IL34: variants seen among roughly 807,000 people sequenced by gnomAD.
IL34 encodes interleukin-34.
In IL34, 17 loss-of-function variants were observed where a neutral mutation model predicts 25.3. The observed-to-expected ratio is 0.67, with a 90% CI of 0.46 to 1.01. The LOEUF (loss-of-function observed/expected upper bound fraction) is 1.01, where lower values mean the gene tolerates loss of function less well. Ranked by LOEUF, IL34 falls within the 50% of genes least tolerant of loss-of-function variation. IL34 has a pLI of 0.00. For missense variants in IL34, 368 were observed against 312.9 expected, an observed-to-expected ratio of 1.18 and a Z score of -1.33; for synonymous variants, 174 against 140.9, an observed-to-expected ratio of 1.23 and a Z score of -1.66.
upstream of IL34, among the ~76,000 whole-genome samples, chr16:70,645,409 T>C (rs1157866532): frequency 6.6e-6 from 1 of 152,070 alleles, no homozygotes; most frequent in Admixed American, 6.6e-5. Flanking sequence ...ATGGTGTCAC[T>C]CTGTAGCCAT....
At chr16:70,591,655 G>A (rs1417100472) in intron 1 of IL34, among the ~76,000 whole-genome samples, 1 of 151,998 alleles carries the variant, frequency 6.6e-6, no homozygotes, top group Non-Finnish European at 1.5e-5. Context: ...TTGTATGGAG[G>A]CACAGGGAGC....
upstream of IL34, among the ~76,000 whole-genome samples, chr16:70,642,432 G>A (rs1231265792): frequency 1.3e-5 from 2 of 151,800 alleles, no homozygotes; most frequent in Admixed American, 6.6e-5. Context: ...TGAGTAGCTG[G>A]GATTACAGGC....
At position 70,614,003 on chromosome 16, in the gene IL34, T is replaced by C. The variant is rs987027594; in HGVS notation, c.-400-32545T>C. ...AGGAGTTTGAGACCAGCCTGGGCAA[T>C]ACAACAAGGCTTTGTCTCTTAAAAA... is the stretch of plus-strand genomic sequence containing the variant. On this transcript the variant is annotated intron_variant, in intron 1 of 6. Coordinates refer to the IL34 transcript ENST00000429149. Among the ~76,000 whole-genome samples, 4 of 151,196 alleles carry C rather than the reference T, an allele frequency of 2.6e-5. No homozygotes were observed. In the South Asian group the frequency reaches 6.3e-4, roughly 24 times the overall value.
At chr16:70,605,837 A>AT (rs1249565513) in intron 1 of IL34, among the ~76,000 whole-genome samples, 4 of 151,638 alleles carry the variant, frequency 2.6e-5, no homozygotes, top group Non-Finnish European at 5.9e-5. Context: ...CGCCCACCTA[A>AT]TTTTTTGTGT....
intron 1 of IL34, among the ~76,000 whole-genome samples, chr16:70,602,389 C>T (rs199720897): frequency 6.6e-5 from 10 of 151,976 alleles, no homozygotes; most frequent in Non-Finnish European, 2.9e-5. Flanking sequence ...GAGGGTGAGC[C>T]GGGAACAGTG....
chr16:70,613,561 C>T (rs946479952), intron 1 of IL34, among the ~76,000 whole-genome samples: 1 of 152,148 alleles, frequency 6.6e-6, no homozygotes, highest in African/African-American at 2.4e-5. Context: ...GTATCTGCAG[C>T]ACCTGGGAGC....
At chr16:70,621,947 G>C (rs554526986) in intron 1 of IL34, among the ~76,000 whole-genome samples, 19 of 152,086 alleles carry the variant, frequency 1.2e-4, no homozygotes, top group African/African-American at 4.6e-4. Context: ...CAGTTAAGGG[G>C]GGGCAGGGCA....
chr16:70,613,367 C>A (rs190109243), intron 1 of IL34, among the ~76,000 whole-genome samples: 2 of 152,110 alleles, frequency 1.3e-5, no homozygotes, highest in Admixed American at 1.3e-4. Context: ...GGGGTTGGAG[C>A]GGGGCGGTTT....
chr16:70,595,078 C>T (rs1032059193), intron 1 of IL34, among the ~76,000 whole-genome samples: 3 of 151,656 alleles, frequency 2.0e-5, no homozygotes, highest in Non-Finnish European at 4.4e-5. Context: ...CCTCAGGCTC[C>T]CAAGTAGCTG....
chr16:70,657,383 C>T (rs2052259312), intron 4 of IL34: 2 of 436,096 alleles, frequency 4.6e-6, no homozygotes, highest in South Asian at 3.7e-5. Flanking sequence ...GCCTCTCTCC[C>T]TCTGGATCCT....
chr16:70,640,201 G>T (rs573856047), intron 1 of IL34, among the ~76,000 whole-genome samples: 10 of 152,092 alleles, frequency 6.6e-5, no homozygotes, highest in Non-Finnish European at 1.3e-4. Flanking sequence ...GAGTGCAGTG[G>T]TGCCATCGTG....
Position 70,660,266 on chromosome 16 carries a change from G to GGT in IL34, c.*81_*82dup. On this transcript the variant is annotated 3_prime_UTR_variant, in exon 6 of 6. Coordinates refer to ENST00000288098, the MANE Select transcript of IL34 (RefSeq NM_001393494.1). ...TTCAACTGGGTCTGAGACTTCAAGG[G>GGT]GTGGTGGTGGGAGCCCCCCTTGGGA... is the stretch of plus-strand genomic sequence containing the variant. 1 of 1,333,070 alleles carries GGT rather than the reference G, an allele frequency of 7.5e-7. No homozygotes were observed. The highest frequency in any genetic ancestry group is 1.0e-6 in the Non-Finnish European group (1 of 991,782). 82.6% of individuals were successfully genotyped at this position (1,333,070 alleles called of 1,614,324 possible). A position where few individuals can be genotyped will look rare whatever the true frequency, so the allele number is the denominator to read the frequency against.
intron 1 of IL34, among the ~76,000 whole-genome samples, chr16:70,597,298 G>A (rs1037743698): frequency 1.1e-4 from 17 of 151,382 alleles, no homozygotes; most frequent in Non-Finnish European, 1.9e-4. Flanking sequence ...ATGGCTCCCT[G>A]TAGCCTTGAG....
intron 2 of IL34, among the ~76,000 whole-genome samples, chr16:70,655,618 C>T (rs1233257738): frequency 1.3e-5 from 2 of 151,948 alleles, no homozygotes; most frequent in Non-Finnish European, 2.9e-5. Flanking sequence ...TCTTGAACTC[C>T]TGGGCTCAAG....
At chr16:70,608,061 C>A (rs2051034238) in intron 1 of IL34, among the ~76,000 whole-genome samples, 1 of 151,540 alleles carries the variant, frequency 6.6e-6, no homozygotes, top group East Asian at 1.9e-4. Context: ...AGCCACCTTG[C>A]CCGGCCGGTT....
chr16:70,632,343 C>T (rs1026291136), intron 1 of IL34, among the ~76,000 whole-genome samples: 5 of 152,108 alleles, frequency 3.3e-5, no homozygotes, highest in Admixed American at 6.5e-5. Flanking sequence ...AGACAAATGA[C>T]GGGCCTGTTC....
intron 1 of IL34, among the ~76,000 whole-genome samples, chr16:70,649,186 G>T (rs778533442): frequency 1.3e-5 from 2 of 152,216 alleles, no homozygotes; most frequent in Non-Finnish European, 2.9e-5. Flanking sequence ...GAAGAAAACA[G>T]CTTTACTGAA....
rs200158701 is a variant in IL34 at position 70,646,951 on chromosome 16, C to G, written c.4C>G (p.Pro2Ala). 6.8e-7 allele frequency: 1 copy of G among 1,469,152 alleles called. No homozygotes were observed. The highest frequency in any genetic ancestry group is 9.0e-7 in the Non-Finnish European group (1 of 1,117,034). The allele number at this position is 1,469,152 out of a possible 1,614,324, so 91.0% of individuals were successfully genotyped here. A position where few individuals can be genotyped will look rare whatever the true frequency, so the allele number is the denominator to read the frequency against. ...CAGGGGGACGAGGAACACCACCATG[C>G]CCCGGGGCTTCACCTGGCTGCGCTG... M[P>A]RGFTWLRYLG... Residue 2 changes from proline to alanine, a missense_variant, in exon 1 of 6, where the codon CCC becomes GCC. By Grantham distance (27) the Pro-to-Ala change is conservative. Coordinates refer to ENST00000288098, the MANE Select transcript of IL34 (RefSeq NM_001393494.1).
chr16:70,639,377 T>C (rs944442269), intron 1 of IL34, among the ~76,000 whole-genome samples: 1 of 152,298 alleles, frequency 6.6e-6, no homozygotes, highest in African/African-American at 2.4e-5. Context: ...AAGCACAATA[T>C]TGCGTTTATA....
Sources: gnomAD v4.1 joint callset for allele counts (sites outside exome capture counted in the v4.1 genomes callset) on GRCh38, gnomAD v4.1.1 for gene constraint, MANE v1.5 for transcripts, NCBI Gene and HGNC (gene_info 2026-07-23, HGNC 2026-07-21) for gene names.